THSD7A: variants seen among roughly 807,000 people sequenced by gnomAD.
THSD7A encodes thrombospondin type-1 domain-containing protein 7A.
Under a neutral mutation model 231.3 loss-of-function variants are expected in THSD7A, and 96 were observed. That is an observed-to-expected ratio of 0.41 (90% CI 0.35 to 0.49). The LOEUF is 0.49. Ranked by LOEUF, THSD7A falls within the 20% of genes least tolerant of loss-of-function variation. The pLI is 0.05. For synonymous variants in THSD7A, 940 were observed against 743.3 expected, an observed-to-expected ratio of 1.26 and a Z score of -4.30; for missense variants, 2,290 against 2,070.2, an observed-to-expected ratio of 1.11 and a Z score of -2.06.
intron 2 of THSD7A, among the ~76,000 whole-genome samples, chr7:11,611,693 A>C (rs1220964578): frequency 6.6e-6 from 1 of 151,772 alleles, no homozygotes; most frequent in Non-Finnish European, 1.5e-5. Context: ...TAAACTTTTT[A>C]TAAAACTAAG....
chr7:11,569,956 G>C (rs1790549930), intron 4 of THSD7A, among the ~76,000 whole-genome samples: 1 of 152,126 alleles, frequency 6.6e-6, no homozygotes, highest in Non-Finnish European at 1.5e-5. Context: ...TAGATCACTT[G>C]AGCCTAGGAG....
rs200946356 is a variant in THSD7A at position 11,636,546 on chromosome 7, G to T, written c.606C>A (p.Ala202=). 1,144 of 1,613,958 alleles carry T rather than the reference G, an allele frequency of 7.1e-4. 16 individuals carry two copies. In the South Asian group the frequency reaches 0.012, roughly 17 times the overall value. ...CGCAGGTCTTGGAGCATTCGGACCA[G>T]GCAGAAAATTCAGACACGATGCAAT... The part of the protein sequence containing the change: ...QQDCIVSEFS[A]WSECSKTCGS... Residue 202 remains alanine, a synonymous_variant, in exon 2 of 28, where the codon GCC becomes GCA. Coordinates refer to ENST00000423059, the MANE Select transcript of THSD7A (RefSeq NM_015204.3). This position sits in a 1 kb window ranked among gnomAD's most constrained non-coding sequence, Gnocchi z 10.0.
chr7:11,662,289 G>A (rs1430017746), intron 1 of THSD7A, among the ~76,000 whole-genome samples: 2 of 151,108 alleles, frequency 1.3e-5, no homozygotes, highest in East Asian at 3.9e-4. Flanking sequence ...AAGCATTAAA[G>A]ACAGACATTT....
At chr7:11,763,114 C>T (rs1175709888) in intron 1 of THSD7A, among the ~76,000 whole-genome samples, 1 of 152,160 alleles carries the variant, frequency 6.6e-6, no homozygotes, top group Non-Finnish European at 1.5e-5. Context: ...AACAACCCCC[C>T]ACACTTTGCC....
chr7:11,593,146 A>AT (rs1780230284), intron 3 of THSD7A, 108 bp downstream of exon 3: 1 of 1,421,000 alleles, frequency 7.0e-7, no homozygotes, highest in Non-Finnish European at 9.4e-7. Flanking sequence ...TTGTAAAGAT[A>AT]TTTTTTATGT....
intron 4 of THSD7A, among the ~76,000 whole-genome samples, chr7:11,586,247 T>C (rs1204265952): frequency 1.3e-5 from 2 of 152,244 alleles, no homozygotes; most frequent in Admixed American, 6.5e-5. Context: ...TCAGTAAATT[T>C]AAAAATCTTG....
Position 11,384,414 on chromosome 7 carries a change from T to C in THSD7A, c.4412-1798A>G, listed in dbSNP as rs188446784. 4.8e-3 allele frequency: 724 copies of C among 151,946 alleles called. 7 individuals carry two copies. The highest frequency in any genetic ancestry group is 0.016 in the African/African-American group (679 of 41,524). 9.4% of individuals were successfully genotyped at this position (151,946 alleles called of 1,614,324 possible). A position where few individuals can be genotyped will look rare whatever the true frequency, so the allele number is the denominator to read the frequency against. ...ATTTTTTCATTTTTGTTTGTGCTTT[T>C]GGTGTCATATTTAGGAAATCCTTCT... On this transcript the variant is annotated intron_variant, in intron 23 of 27. Transcript: ENST00000423059.
chr7:11,817,121 G>T (rs569024325), intron 1 of THSD7A, among the ~76,000 whole-genome samples: 1 of 152,244 alleles, frequency 6.6e-6, no homozygotes, highest in South Asian at 2.1e-4. Context: ...TTTGAACCAC[G>T]TATATTGACA....
intron 2 of THSD7A, among the ~76,000 whole-genome samples, chr7:11,606,699 C>A (rs944399980): frequency 6.6e-6 from 1 of 152,002 alleles, no homozygotes; most frequent in Non-Finnish European, 1.5e-5. Flanking sequence ...CATCACTTGA[C>A]AATATTAACA....
intron 1 of THSD7A, among the ~76,000 whole-genome samples, chr7:11,796,595 G>A (rs990520583): frequency 5.3e-5 from 8 of 150,142 alleles, no homozygotes; most frequent in Non-Finnish European, 1.0e-4. Flanking sequence ...TTTTCATTTA[G>A]GTCTTCCTTT....
intron 1 of THSD7A, among the ~76,000 whole-genome samples, chr7:11,714,913 C>A (rs1037381712): frequency 6.6e-6 from 1 of 151,264 alleles, no homozygotes; most frequent in African/African-American, 2.4e-5. Flanking sequence ...CTGAGTAAAT[C>A]CAGGAATAAT....
At chr7:11,456,599 A>G (rs17164591) in intron 11 of THSD7A, among the ~76,000 whole-genome samples, 42,906 of 151,894 alleles carry the variant, frequency 0.28, 7,002 homozygotes, top group Middle Eastern at 0.43. Context: ...CATTGGTTAC[A>G]TGGCTTTTGG....
chr7:11,546,491 C>G (rs1239318594), intron 4 of THSD7A, among the ~76,000 whole-genome samples: 1 of 152,130 alleles, frequency 6.6e-6, no homozygotes, highest in African/African-American at 2.4e-5. Context: ...GGAAATGAAG[C>G]CAGTTGACTG....
chr7:11,412,232 T>C (rs1254798949), intron 18 of THSD7A, among the ~76,000 whole-genome samples: 1 of 152,184 alleles, frequency 6.6e-6, no homozygotes, highest in Non-Finnish European at 1.5e-5. Flanking sequence ...AAGTTTAAGA[T>C]TGCTGACTAA....
intron 17 of THSD7A, among the ~76,000 whole-genome samples, chr7:11,415,502 T>C (rs1431436379): frequency 1.3e-5 from 2 of 152,288 alleles, no homozygotes; most frequent in East Asian, 3.9e-4. Flanking sequence ...TTTCCCAGGT[T>C]CAGAACAAAA....
At chr7:11,553,074 G>A (rs62434465) in intron 4 of THSD7A, among the ~76,000 whole-genome samples, 2,640 of 152,072 alleles carry the variant, frequency 0.017, 35 homozygotes, top group Middle Eastern at 0.031. Flanking sequence ...TTCCTGGCAC[G>A]AGACAAATCC....
chr7:11,372,062 GA>G lies in THSD7A; in HGVS notation c.*3731del, dbSNP rs762555758. 2.0e-5 allele frequency: 3 copies of G among 151,994 alleles called. No individual in the cohort carries two copies. Among genetic ancestry groups the G allele is most frequent in the Non-Finnish European group, 4.4e-5 (3 of 68,030 alleles). The allele number at this position is 151,994 out of a possible 1,614,324, so 9.4% of individuals were successfully genotyped here. A position where few individuals can be genotyped will look rare whatever the true frequency, so the allele number is the denominator to read the frequency against. ...TCTATTCAATTTCTGTGAGAAGGAA[GA>G]CGTGAATTTACCTTGAAATGCCCAG... On this transcript the variant is annotated 3_prime_UTR_variant, in exon 28 of 28. Transcript: ENST00000423059.
chr7:11,591,095 T>C (rs1780145966), intron 3 of THSD7A, among the ~76,000 whole-genome samples: 1 of 151,940 alleles, frequency 6.6e-6, no homozygotes, highest in Non-Finnish European at 1.5e-5. Context: ...TATGCTTGTA[T>C]ATTAGGGTTA....
Position 11,411,909 on chromosome 7 carries a change from T to A in THSD7A, c.3683-587A>T, listed in dbSNP as rs1783800030. Among the ~76,000 whole-genome samples the A allele has an allele frequency of 6.6e-6, 1 of 152,144 alleles. No homozygotes were observed. The highest frequency in any genetic ancestry group is 1.5e-5 in the Non-Finnish European group (1 of 68,020). On this transcript the variant is annotated intron_variant, in intron 18 of 27. Transcript: ENST00000423059. The surrounding 1 kb of genome is among the most constrained non-coding windows in gnomAD (Gnocchi z 4.1). ...GCACATCCCAGATAACTGTGATTTT[T>A]TTTTTTTGTATCATCAAAGGAAACT...
Sources: gnomAD v4.1 joint callset for allele counts (sites outside exome capture counted in the v4.1 genomes callset) on GRCh38, gnomAD v4.1.1 for gene constraint, Gnocchi (gnomAD v3.1) non-coding constraint, MANE v1.5 for transcripts, NCBI Gene and HGNC (gene_info 2026-07-23, HGNC 2026-07-21) for gene names.